The following JAK1 variants were observed in gnomAD, a reference collection of about 807,000 sequenced individuals.
The protein encoded by JAK1 is tyrosine-protein kinase JAK1.
A neutral mutation model predicts 136.6 loss-of-function variants in JAK1; 16 were observed. The observed-to-expected ratio is 0.12, with a 90% CI of 0.08 to 0.18. The LOEUF is 0.18. Ranked by LOEUF, JAK1 falls within the 10% of genes least tolerant of loss-of-function variation. The pLI is 1.00. For synonymous variants in JAK1, 492 were observed against 519.5 expected, an observed-to-expected ratio of 0.95 and a Z score of 0.72; for missense variants, 859 against 1,450.1, an observed-to-expected ratio of 0.59 and a Z score of 6.62.
At chr1:64,994,963 C>CAAAAAAA (rs34914540) in intron 2 of JAK1, 1 of 118,614 alleles carries the variant, frequency 8.4e-6, no homozygotes. Flanking sequence ...TCCTAAACTG[C>CAAAAAAA]AAAAAAAAAA....
At chr1:64,890,235 C>T (rs1464753941) in intron 1 of JAK1, among the ~76,000 whole-genome samples, 1 of 147,138 alleles carries the variant, frequency 6.8e-6, no homozygotes, top group Non-Finnish European at 1.5e-5. Flanking sequence ...ATGAAAACTA[C>T]AGGAAGATCA....
intron 1 of JAK1, among the ~76,000 whole-genome samples, chr1:64,900,872 G>A (rs1334322419): frequency 6.6e-6 from 1 of 152,150 alleles, no homozygotes; most frequent in African/African-American, 2.4e-5. Context: ...GTTACCTGCA[G>A]TTCCTGTAAT....
chr1:64,932,390 C>T (rs571710696), intron 1 of JAK1, among the ~76,000 whole-genome samples: 1 of 151,840 alleles, frequency 6.6e-6, no homozygotes, highest in Non-Finnish European at 1.5e-5. Flanking sequence ...TACAGCCTGG[C>T]GACAGAGCGA....
intron 2 of JAK1, among the ~76,000 whole-genome samples, chr1:64,997,023 G>T (rs373750266): frequency 1.3e-5 from 2 of 152,142 alleles, no homozygotes; most frequent in African/African-American, 4.8e-5. Flanking sequence ...GGGTTTGCAG[G>T]TCAAGTCACC....
intron 1 of JAK1, among the ~76,000 whole-genome samples, chr1:64,888,106 C>G (rs575291242): frequency 6.6e-6 from 1 of 152,192 alleles, no homozygotes; most frequent in Non-Finnish European, 1.5e-5. Context: ...CTGTAAGTTC[C>G]ACCAGGCCCA....
chr1:64,841,126 C>T (rs907703673), intron 19 of JAK1, 119 bp downstream of exon 19: 5 of 742,540 alleles, frequency 6.7e-6, no homozygotes, highest in South Asian at 3.4e-5. Context: ...AAGGTGCTTT[C>T]GCTCATGGAC....
intron 2 of JAK1, among the ~76,000 whole-genome samples, chr1:64,999,830 C>T (rs537573823): frequency 9.2e-5 from 14 of 151,706 alleles, no homozygotes; most frequent in Admixed American, 2.0e-4. Context: ...ACAGTATCTA[C>T]GGCACCTTGA....
rs372090845 is a variant in JAK1, at chr1:64,845,633, C to G, written c.1995G>C (p.Met665Ile). 3 of 1,614,188 alleles carry G rather than the reference C, an allele frequency of 1.9e-6. No individual in the cohort carries two copies. The highest frequency in any genetic ancestry group is 2.5e-6 in the Non-Finnish European group (3 of 1,180,030). The change falls in exon 15 of 25, where the codon ATG becomes ATC. Residue 665 changes from methionine (M) to isoleucine (I), a missense_variant. Met to Ile is a conservative substitution (Grantham distance 10). Around this residue, in one of 4 missense-constraint regions of JAK1, gnomAD observed 409 missense variants for 753.8 expected, o/e 0.54. Coordinates refer to ENST00000342505, the MANE Select transcript of JAK1 (RefSeq NM_002227.4). ...GACCCCCTTCCACAAACTCTTCCAC[C>G]ATGATATCTGTAGGCATAAAAATAG... ...GVCVRDVENI[M>I]VEEFVEGGPL...
chr1:65,033,344 A>C (rs917734976), intron 2 of JAK1, among the ~76,000 whole-genome samples: 1 of 151,958 alleles, frequency 6.6e-6, no homozygotes, highest in African/African-American at 2.4e-5. Context: ...TTAAACAATA[A>C]AATTTTAAAA....
intron 1 of JAK1, among the ~76,000 whole-genome samples, chr1:64,913,822 G>A (rs1327219699): frequency 6.6e-6 from 1 of 152,068 alleles, no homozygotes; most frequent in Non-Finnish European, 1.5e-5. Context: ...AGAATGTCCT[G>A]GGGCTGGGAT....
chr1:64,849,988 T>A (rs1272879509), intron 12 of JAK1, among the ~76,000 whole-genome samples: 2 of 152,030 alleles, frequency 1.3e-5, no homozygotes, highest in Non-Finnish European at 2.9e-5. Context: ...CTGAAAAAGG[T>A]AAAGTAACAA....
chr1:65,056,321 A>G (rs979143333), intron 1 of JAK1, among the ~76,000 whole-genome samples: 1 of 152,248 alleles, frequency 6.6e-6, no homozygotes, highest in African/African-American at 2.4e-5. Flanking sequence ...GTCTGAAAAA[A>G]TAACAGTTCT....
chr1:64,997,293 T>A (rs1386886808), intron 2 of JAK1, among the ~76,000 whole-genome samples: 2 of 152,206 alleles, frequency 1.3e-5, no homozygotes, highest in Non-Finnish European at 2.9e-5. Flanking sequence ...AAATCATACA[T>A]GCAGTCTTCA....
chr1:64,927,977 G>A (rs1223102568), intron 1 of JAK1, among the ~76,000 whole-genome samples: 1 of 152,202 alleles, frequency 6.6e-6, no homozygotes, highest in Non-Finnish European at 1.5e-5. Context: ...CAGACAAGAT[G>A]CTGTTTTCTA....
intron 3 of JAK1, among the ~76,000 whole-genome samples, chr1:64,882,730 G>A (rs951686136): frequency 2.0e-5 from 3 of 152,158 alleles, no homozygotes; most frequent in Non-Finnish European, 2.9e-5. Flanking sequence ...TGAGAGCCTC[G>A]TCCTTTTCAC....
At chr1:64,878,603 A>ATATATATC (rs1557658058) in intron 4 of JAK1, among the ~76,000 whole-genome samples, 1 of 110,148 alleles carries the variant, frequency 9.1e-6, no homozygotes, top group Admixed American at 9.8e-5. Context: ...ATATATATAT[A>ATATATATC]TATCTCAAAA....
chr1:65,041,549 C>A (rs932668345), intron 2 of JAK1, among the ~76,000 whole-genome samples: 2 of 152,110 alleles, frequency 1.3e-5, no homozygotes, highest in Non-Finnish European at 2.9e-5. Context: ...TCTGTGTAAC[C>A]CTTATCATAG....
At chr1:64,933,648 CACTG>C (rs2100465031) in intron 1 of JAK1, among the ~76,000 whole-genome samples, 1 of 152,310 alleles carries the variant, frequency 6.6e-6, no homozygotes, top group East Asian at 1.9e-4. Flanking sequence ...TGCTGTACTA[CACTG>C]ACTGTCTCTA....
chr1:65,058,881 T>C (rs1647667111), intron 1 of JAK1, among the ~76,000 whole-genome samples: 1 of 152,170 alleles, frequency 6.6e-6, no homozygotes, highest in Non-Finnish European at 1.5e-5. Flanking sequence ...TTTTCATATA[T>C]ATACCGAGGA....
Sources: gnomAD v4.1 joint callset for allele counts (sites outside exome capture counted in the v4.1 genomes callset) on GRCh38, gnomAD v4.1.1 for gene constraint, gnomAD v4.1.1 regional missense constraint, MANE v1.5 for transcripts, NCBI Gene and HGNC (gene_info 2026-07-23, HGNC 2026-07-21) for gene names.